The following ALK variants were observed in gnomAD, a reference collection of about 807,000 sequenced individuals.
ALK encodes ALK receptor tyrosine kinase, also known as ALK tyrosine kinase receptor.
In ALK, 74 loss-of-function variants were observed where a neutral mutation model predicts 163.1. The ratio of observed to expected loss-of-function variants is 0.45; its 90% confidence interval spans 0.38 to 0.55. The LOEUF (loss-of-function observed/expected upper bound fraction) is 0.55, where lower values mean the gene tolerates loss of function less well. Ranked by LOEUF, ALK falls within the 20% of genes least tolerant of loss-of-function variation. ALK has a pLI of 0.00. For missense variants in ALK, 2,063 were observed against 2,105.3 expected, an observed-to-expected ratio of 0.98 and a Z score of 0.39; for synonymous variants, 960 against 843.2, an observed-to-expected ratio of 1.14 and a Z score of -2.40.
chr2:29,682,809 A>G (rs1678116311), intron 3 of ALK, among the ~76,000 whole-genome samples: 1 of 152,152 alleles, frequency 6.6e-6, no homozygotes, highest in South Asian at 2.1e-4. Flanking sequence ...TCTTAGCAAA[A>G]TATTTCAAAT....
At chr2:29,687,327 C>T (rs537921298) in intron 3 of ALK, among the ~76,000 whole-genome samples, 2 of 151,906 alleles carry the variant, frequency 1.3e-5, no homozygotes, top group South Asian at 4.2e-4. Flanking sequence ...CTTGGGAGCC[C>T]ATGCCAGCTG....
intron 5 of ALK, among the ~76,000 whole-genome samples, chr2:29,334,609 C>A (rs1667553955): frequency 6.6e-6 from 1 of 152,234 alleles, no homozygotes. Flanking sequence ...GTGGCTTCCA[C>A]TCTCTGATGC....
intron 4 of ALK, among the ~76,000 whole-genome samples, chr2:29,404,312 A>C (rs1573324010): frequency 1.3e-5 from 1 of 74,704 alleles, no homozygotes; most frequent in South Asian, 3.8e-4. Context: ...CGTCTCAAAA[A>C]AAAAAAAAAA....
At chr2:29,223,613 C>T (rs10177849) in intron 19 of ALK, 85 bp from the exon 20 acceptor site, 1 of 1,360,510 alleles carries the variant, frequency 7.4e-7, no homozygotes, top group East Asian at 2.4e-5. Flanking sequence ...GGAAGCCTCC[C>T]TGGATCTCCA....
intron 2 of ALK, among the ~76,000 whole-genome samples, chr2:29,700,013 T>A (rs1228928895): frequency 1.3e-5 from 2 of 152,152 alleles, no homozygotes; most frequent in Non-Finnish European, 2.9e-5. Context: ...ATTTGGAAGA[T>A]GAAAGAAATG....
chr2:29,547,329 G>A (rs1673582369), intron 3 of ALK, among the ~76,000 whole-genome samples: 1 of 152,208 alleles, frequency 6.6e-6, no homozygotes, highest in South Asian at 2.1e-4. Context: ...AGGCGAGGTG[G>A]CTCATGCCTG....
chr2:29,633,409 GAC>G (rs1348317781), intron 3 of ALK, among the ~76,000 whole-genome samples: 1 of 152,036 alleles, frequency 6.6e-6, no homozygotes, highest in African/African-American at 2.4e-5. Flanking sequence ...AAATTTGTGG[GAC>G]ACAGTTAAGG....
chr2:29,626,473 G>T (rs1363655707), intron 3 of ALK, among the ~76,000 whole-genome samples: 1 of 152,216 alleles, frequency 6.6e-6, no homozygotes, highest in Admixed American at 6.5e-5. Flanking sequence ...CTTCTGCCAT[G>T]ATTGTGAGGC....
intron 4 of ALK, among the ~76,000 whole-genome samples, chr2:29,468,638 C>G (rs1671270811): frequency 6.6e-6 from 1 of 151,680 alleles, no homozygotes; most frequent in Admixed American, 6.6e-5. Context: ...TGTTTGAGCC[C>G]AGGGGTTCAG....
chr2:29,483,092 C>T (rs1032161591), intron 4 of ALK, among the ~76,000 whole-genome samples: 2 of 152,208 alleles, frequency 1.3e-5, no homozygotes, highest in African/African-American at 4.8e-5. Context: ...AATATTTGCA[C>T]TTGAAAAGAG....
chr2:29,513,343 C>T (rs9753075), intron 4 of ALK, among the ~76,000 whole-genome samples: 25,807 of 128,312 alleles, frequency 0.2, 2,480 homozygotes, highest in African/African-American at 0.26. Flanking sequence ...GAAATAATGC[C>T]GCATATCTAC....
chr2:29,880,174 G>A (rs1184369775), intron 1 of ALK, among the ~76,000 whole-genome samples: 1 of 152,318 alleles, frequency 6.6e-6, no homozygotes, highest in East Asian at 1.9e-4. Context: ...TCATCTCTCA[G>A]AGAAAATCTT....
In ALK at chr2:29,228,906, A is replaced by G. The variant is rs1573134379; in HGVS notation, c.2793T>C (p.Gly931=). The change falls in exon 16 of 29, where the codon GGT becomes GGC. Residue 931 remains glycine (G), a synonymous_variant. Transcript: ENST00000389048. Reference sequence around the variant, plus strand: ...TACCTATATATCCTCCGCCTCCTCCACCTGAGGAGCACCCCCCTCCACCCC... The same window carrying G: ...TACCTATATATCCTCCGCCTCCTCCGCCTGAGGAGCACCCCCCTCCACCCC... ...FGGGGGGCSS[G]GGGGGYIGGN... is the part of the protein sequence containing the mutation. 6.3e-7 allele frequency: 1 copy of G among 1,588,898 alleles called. No individual in the cohort carries two copies. The highest frequency in any genetic ancestry group is 8.6e-7 in the Non-Finnish European group (1 of 1,157,484).
chr2:29,717,824 G>T, intron 1 of ALK, 127 bp from the exon 2 acceptor site: 1 of 1,285,322 alleles, frequency 7.8e-7, no homozygotes, highest in Non-Finnish European at 1.1e-6. Flanking sequence ...AGATGAGGGG[G>T]AAAAAATTGA....
At chr2:29,715,136 G>A (rs946909584) in intron 2 of ALK, among the ~76,000 whole-genome samples, 1 of 152,190 alleles carries the variant, frequency 6.6e-6, no homozygotes, top group African/African-American at 2.4e-5. Flanking sequence ...TGATGGTGGT[G>A]GTAATGTCTT....
intron 2 of ALK, among the ~76,000 whole-genome samples, chr2:29,696,758 C>T (rs1232333683): frequency 3.3e-5 from 5 of 151,882 alleles, no homozygotes; most frequent in African/African-American, 9.7e-5. Context: ...TGATCTGCAC[C>T]TGCGTGTCTG....
At chr2:29,578,059 C>A (rs925657650) in intron 3 of ALK, among the ~76,000 whole-genome samples, 2 of 151,738 alleles carry the variant, frequency 1.3e-5, no homozygotes, top group African/African-American at 4.8e-5. Context: ...CCACCCAAAT[C>A]GCATCTTGAA....
intron 3 of ALK, among the ~76,000 whole-genome samples, chr2:29,649,664 G>A (rs1158252168): frequency 6.6e-6 from 1 of 152,094 alleles, no homozygotes. Flanking sequence ...AGAGGAGCAG[G>A]CTAGGACATC....
chr2:29,208,680 G>A (rs1669379353), intron 25 of ALK, among the ~76,000 whole-genome samples: 1 of 152,074 alleles, frequency 6.6e-6, no homozygotes, highest in African/African-American at 2.4e-5. Flanking sequence ...AGGCCTTCAG[G>A]GGTGGTGTCT....
Sources: allele counts gnomAD v4.1 joint callset (sites outside exome capture counted in the v4.1 genomes callset), GRCh38; gene constraint gnomAD v4.1.1; transcripts MANE v1.5; gene names NCBI Gene and HGNC (gene_info 2026-07-23, HGNC 2026-07-21).